SVIL: variants seen among roughly 807,000 people sequenced by gnomAD.
SVIL encodes supervillin, also known as archvillin.
SVIL carries 101 observed loss-of-function variants against 240.4 expected under a neutral mutation model. The ratio of observed to expected loss-of-function variants is 0.42; its 90% confidence interval spans 0.36 to 0.50. The LOEUF (loss-of-function observed/expected upper bound fraction) is 0.50. SVIL is among the 20% of genes least tolerant of loss of function. SVIL has a pLI of 0.01. For synonymous variants in SVIL, 999 were observed against 1,100.0 expected (o/e 0.91, Z 1.82); for missense variants, 2,512 against 2,818.7 (o/e 0.89, Z 2.46).
exon 3 of SVIL, chr10:29,657,993 G>A (rs1332449578): frequency 6.6e-6 from 1 of 152,148 alleles, no homozygotes; most frequent in African/African-American, 2.4e-5. Context: ...TTAAATCATG[G>A]CTTCGATGTG....
intron 34 of SVIL, 82 bp downstream of exon 34, chr10:29,465,510 TTAA>T: frequency 2.0e-6 from 3 of 1,500,322 alleles, no homozygotes; most frequent in South Asian, 2.7e-5. Flanking sequence ...CAGAAGCTGC[TTAA>T]TAAATACCAA....
At chr10:29,633,078 A>T (rs1436938994) in intron 1 of SVIL, among the ~76,000 whole-genome samples, 3 of 149,926 alleles carry the variant, frequency 2.0e-5, no homozygotes, top group Admixed American at 6.6e-5. Flanking sequence ...CTAAAAATAC[A>T]AAAAAAAATT....
intron 1 of SVIL, among the ~76,000 whole-genome samples, chr10:29,720,649 T>C (rs931327472): frequency 1.3e-5 from 2 of 152,224 alleles, no homozygotes; most frequent in East Asian, 3.8e-4. Context: ...TCCTTATTAT[T>C]TAAGCTTTTA....
intron 1 of SVIL, among the ~76,000 whole-genome samples, chr10:29,697,149 G>T (rs1962140890): frequency 1.0e-5 from 1 of 97,832 alleles, no homozygotes; most frequent in Non-Finnish European, 2.1e-5. Flanking sequence ...GGTGGGGGGG[G>T]TCAGCGCCCC....
At chr10:29,613,417 C>T (rs190465654) in intron 1 of SVIL, among the ~76,000 whole-genome samples, 3 of 152,168 alleles carry the variant, frequency 2.0e-5, no homozygotes, top group East Asian at 1.9e-4. Context: ...ACTGCAACCT[C>T]GAACTCCTGG....
rs770151148 is a variant in SVIL at position 29,551,059 on chromosome 10, A to T, written c.365T>A (p.Leu122Gln). 2 of 1,614,026 alleles carry T rather than the reference A, an allele frequency of 1.2e-6. No homozygotes were observed. Among genetic ancestry groups the T allele is most frequent in the African/African-American group, 2.7e-5 (2 of 74,910 alleles). Residue 122 changes from leucine to glutamine, a missense_variant, in exon 6 of 38, where the codon CTG becomes CAG. Leu to Gln is a moderately radical substitution (Grantham distance 113). Around this residue, in one of 3 missense-constraint regions of SVIL, gnomAD observed 1,443 missense variants for 1,486.6 expected, o/e 0.97. Transcript: ENST00000355867. ...RRRQLAEKYGLTLDPEADSEY... is the reference protein window; with the variant it reads ...RRRQLAEKYGQTLDPEADSEY... ...GGAGTCGGCCTCGGGATCCAGAGTC[A>T]GCCCATACTTCTCTGCCAGCTGTCG...
At chr10:29,722,692 C>G (rs1160920352) in intron 1 of SVIL, among the ~76,000 whole-genome samples, 1 of 152,140 alleles carries the variant, frequency 6.6e-6, no homozygotes, top group Non-Finnish European at 1.5e-5. Flanking sequence ...TGCTTGAATT[C>G]TAGCCTCTAA....
rs7903653 is a variant in SVIL at position 29,470,663 on chromosome 10, G to A, written c.5636-180C>T. Among the ~76,000 whole-genome samples the A allele has an allele frequency of 0.14, 21,653 of 151,196 alleles. 1,717 individuals are homozygous for A. The highest frequency in any genetic ancestry group is 0.3 in the East Asian group (1,548 of 5,154). On this transcript the variant is annotated intron_variant, in intron 31 of 37. Transcript: ENST00000355867. ...GCCCTGTGGAGCACTGAGGCATCAG[G>A]CCTTCCTGCCAGCCTAAAAAGTGGG...
At chr10:29,669,805 A>G (rs1193372264) in intron 2 of SVIL, among the ~76,000 whole-genome samples, 2 of 152,202 alleles carry the variant, frequency 1.3e-5, no homozygotes, top group South Asian at 2.1e-4. Flanking sequence ...TCTGGGAGTT[A>G]GTGACATGAT....
At chr10:29,664,896 T>C (rs564074820) in intron 2 of SVIL, among the ~76,000 whole-genome samples, 1 of 152,112 alleles carries the variant, frequency 6.6e-6, no homozygotes, top group African/African-American at 2.4e-5. Flanking sequence ...CATATAAGTG[T>C]ATTTTTACAG....
intron 29 of SVIL, 94 bp from the exon 30 acceptor site, chr10:29,474,083 C>T: frequency 1.3e-6 from 2 of 1,507,224 alleles, no homozygotes; most frequent in Non-Finnish European, 1.8e-6. Flanking sequence ...CTGCAAGGAC[C>T]AGTGGCAAAG....
At chr10:29,536,448 G>T (rs1951747808) in intron 6 of SVIL, among the ~76,000 whole-genome samples, 2 of 152,124 alleles carry the variant, frequency 1.3e-5, no homozygotes, top group African/African-American at 4.8e-5. Flanking sequence ...GGGAAAAAAA[G>T]AATAATTCTG....
At chr10:29,480,084 T>G (rs61848918) in intron 29 of SVIL, among the ~76,000 whole-genome samples, 9,472 of 152,300 alleles carry the variant, frequency 0.062, 348 homozygotes, top group South Asian at 0.096. Context: ...CTTTCACTTT[T>G]CAAATCAATC....
At chr10:29,490,615 TATAATCTGA>T (rs1564506199) in intron 22 of SVIL, among the ~76,000 whole-genome samples, 1 of 149,710 alleles carries the variant, frequency 6.7e-6, no homozygotes, top group East Asian at 2.0e-4. Flanking sequence ...CAAACCCCAG[TATAATCTGA>T]ATTAACTAAC....
At chr10:29,575,327 C>G (rs914832266) in intron 1 of SVIL, 2 of 215,236 alleles carry the variant, frequency 9.3e-6, no homozygotes, top group Middle Eastern at 1.0e-3. Flanking sequence ...GAATTATTAT[C>G]TTGACGAGAA....
At chr10:29,649,945 G>T (rs566116194) in intron 3 of SVIL, among the ~76,000 whole-genome samples, 68 of 152,192 alleles carry the variant, frequency 4.5e-4, no homozygotes, top group African/African-American at 1.5e-3. Context: ...TGCTATAAAA[G>T]TGCGTACATT....
At chr10:29,589,262 G>T (rs1429393970) in intron 1 of SVIL, among the ~76,000 whole-genome samples, 1 of 152,244 alleles carries the variant, frequency 6.6e-6, no homozygotes, top group East Asian at 1.9e-4. Flanking sequence ...ATCATCGCCC[G>T]CACGGCCTCG....
intron 1 of SVIL, among the ~76,000 whole-genome samples, chr10:29,733,612 T>C (rs547237001): frequency 2.6e-5 from 4 of 152,346 alleles, no homozygotes; most frequent in Non-Finnish European, 4.4e-5. Flanking sequence ...GCCTTTGATT[T>C]ATGTTTTAAG....
chr10:29,679,043 T>C (rs941700557), intron 2 of SVIL, among the ~76,000 whole-genome samples: 6 of 152,108 alleles, frequency 3.9e-5, no homozygotes, highest in African/African-American at 1.4e-4. Context: ...CCATCTCTAC[T>C]AAAAATGCAA....
Sources: allele counts gnomAD v4.1 joint callset (sites outside exome capture counted in the v4.1 genomes callset), GRCh38; gene constraint gnomAD v4.1.1; regional missense constraint gnomAD v4.1.1; transcripts MANE v1.5; gene names NCBI Gene and HGNC (gene_info 2026-07-23, HGNC 2026-07-21).